Variants in CTNNBL1 observed in about 807,000 individuals in gnomAD.
CTNNBL1 encodes catenin beta like 1, also known as beta-catenin-like protein 1.
A neutral mutation model predicts 72.7 loss-of-function variants in CTNNBL1; 31 were observed. The observed-to-expected ratio is 0.43, with a 90% CI of 0.32 to 0.58. The LOEUF is 0.58. Ranked by LOEUF, CTNNBL1 falls within the 20% of genes least tolerant of loss-of-function variation. The probability of loss-of-function intolerance (pLI) is 0.08; values close to 1 mark genes in which losing one functional copy is unlikely to be tolerated. For synonymous variants in CTNNBL1, 240 were observed against 267.3 expected (o/e 0.90, Z 1.00); for missense variants, 534 against 725.1 (o/e 0.74, Z 3.03).
At chr20:37,820,800 A>G (rs1006611907) in intron 11 of CTNNBL1, among the ~76,000 whole-genome samples, 3 of 152,152 alleles carry the variant, frequency 2.0e-5, no homozygotes, top group African/African-American at 7.2e-5. Context: ...TTCTTTGTAA[A>G]TTGCCCAGTC....
chr20:37,765,458 A>C (rs2073458599), intron 6 of CTNNBL1, among the ~76,000 whole-genome samples, 168 bp downstream of exon 6: 1 of 152,200 alleles, frequency 6.6e-6, no homozygotes, highest in African/African-American at 2.4e-5. Context: ...AATTTCATAT[A>C]ACTTCAGCTT....
chr20:37,841,399 G>T (rs1033598662), intron 12 of CTNNBL1, among the ~76,000 whole-genome samples: 1 of 152,148 alleles, frequency 6.6e-6, no homozygotes, highest in African/African-American at 2.4e-5. Flanking sequence ...TGTCTTCCCT[G>T]CACACCTTGT....
intron 11 of CTNNBL1, among the ~76,000 whole-genome samples, chr20:37,803,833 A>G (rs1283641016): frequency 1.3e-5 from 2 of 151,178 alleles, no homozygotes; most frequent in African/African-American, 2.4e-5. Context: ...TTTTCTCAGA[A>G]GCAATGTTCG....
At chr20:37,767,895 T>G (rs564842472) in intron 6 of CTNNBL1, 58 bp from the exon 7 acceptor site, 1 of 1,384,966 alleles carries the variant, frequency 7.2e-7, no homozygotes, top group African/African-American at 1.4e-5. Context: ...GGAAGCAAGC[T>G]TGTTGCAGAT....
At chr20:37,823,730 A>C (rs2072131888) in intron 11 of CTNNBL1, among the ~76,000 whole-genome samples, 1 of 152,070 alleles carries the variant, frequency 6.6e-6, no homozygotes, top group African/African-American at 2.4e-5. Flanking sequence ...TTGCATTGGG[A>C]CTGTGGTGTT....
At chr20:37,862,483 G>A (rs2072499186) in intron 15 of CTNNBL1, among the ~76,000 whole-genome samples, 1 of 152,178 alleles carries the variant, frequency 6.6e-6, no homozygotes, top group South Asian at 2.1e-4. Context: ...CACCCTAAGT[G>A]ATTCACAATT....
intron 13 of CTNNBL1, 85 bp downstream of exon 13, chr20:37,842,504 A>C: frequency 1.1e-6 from 1 of 886,956 alleles, no homozygotes; most frequent in South Asian, 1.4e-5. Flanking sequence ...CCCACAGGAT[A>C]GGTAAGGGCA....
chr20:37,825,858 T>G lies in CTNNBL1; in HGVS notation c.1214-14244T>G, dbSNP rs142461494. Among the ~76,000 whole-genome samples the G allele has an allele frequency of 2.3e-3, 354 of 152,312 alleles. 4 individuals carry two copies. Among genetic ancestry groups the G allele is most frequent in the African/African-American group, 8.1e-3 (335 of 41,568 alleles). ...TGCTCCCCAGAATTAGCATTTTTCC[T>G]CAGTCCACACTGCTGCCATTGTAGC... is the stretch of plus-strand genomic sequence containing the variant. On this transcript the variant is annotated intron_variant, in intron 11 of 15. Coordinates refer to ENST00000361383, the MANE Select transcript of CTNNBL1 (RefSeq NM_030877.5).
intron 1 of CTNNBL1, among the ~76,000 whole-genome samples, chr20:37,698,921 C>T (rs1197905553): frequency 2.6e-5 from 4 of 152,090 alleles, no homozygotes; most frequent in Non-Finnish European, 5.9e-5. Context: ...TGGTGTGTGT[C>T]TGTGGTCCCA....
rs1426469222 is a variant in CTNNBL1, at chr20:37,871,942, G to A, written c.1621G>A (p.Gly541Arg). 1.1e-5 allele frequency: 17 copies of A among 1,613,986 alleles called. No homozygotes were observed. Among genetic ancestry groups the A allele is most frequent in the East Asian group, 2.2e-5 (1 of 44,874 alleles). ...CCCCCTAGAGTATGCAGAGAACATC[G>A]GGGACGGCCGGAGCCCGGAGTTCCG... ...HIIKEYAENI[G>R]DGRSPEFREN... The change falls in exon 16 of 16, where the codon GGG becomes AGG. Residue 541 changes from glycine to arginine, a missense_variant. Coordinates refer to ENST00000361383, the MANE Select transcript of CTNNBL1 (RefSeq NM_030877.5).
At chr20:37,804,874 C>T (rs1045982524) in intron 11 of CTNNBL1, among the ~76,000 whole-genome samples, 2 of 152,218 alleles carry the variant, frequency 1.3e-5, no homozygotes, top group Non-Finnish European at 2.9e-5. Flanking sequence ...CCGCATTAGG[C>T]ATGTGATAAC....
intron 1 of CTNNBL1, among the ~76,000 whole-genome samples, chr20:37,711,138 C>T (rs1430164689): frequency 6.6e-6 from 1 of 152,206 alleles, no homozygotes; most frequent in East Asian, 1.9e-4. Context: ...TCTGATCCTC[C>T]TGTGAAAGGA....
chr20:37,811,248 CAG>C (rs899410026), intron 11 of CTNNBL1, among the ~76,000 whole-genome samples: 1 of 152,102 alleles, frequency 6.6e-6, no homozygotes, highest in African/African-American at 2.4e-5. Flanking sequence ...AAGCTATAAA[CAG>C]AGGATTCAGA....
At chr20:37,834,906 C>T (rs1013444856) in intron 11 of CTNNBL1, among the ~76,000 whole-genome samples, 6 of 152,174 alleles carry the variant, frequency 3.9e-5, no homozygotes, top group Admixed American at 1.3e-4. Flanking sequence ...ACCCTACTTA[C>T]GTTCAAATAG....
intron 3 of CTNNBL1, among the ~76,000 whole-genome samples, chr20:37,741,256 T>G (rs1258858825): frequency 1.3e-5 from 2 of 152,196 alleles, no homozygotes; most frequent in African/African-American, 2.4e-5. Context: ...TAAAGACAGT[T>G]CTCTGCAAAT....
chr20:37,735,598 G>T (rs918300150), intron 2 of CTNNBL1, among the ~76,000 whole-genome samples: 1 of 152,178 alleles, frequency 6.6e-6, no homozygotes, highest in African/African-American at 2.4e-5. Context: ...ACTGTGTCAG[G>T]GAACCTGTCT....
intron 15 of CTNNBL1, among the ~76,000 whole-genome samples, chr20:37,866,492 G>C (rs922858395): frequency 2.0e-5 from 3 of 152,208 alleles, no homozygotes; most frequent in Non-Finnish European, 2.9e-5. Flanking sequence ...TGTCTCAGAA[G>C]GCTGCTGTGA....
In CTNNBL1 at chr20:37,803,014, C is replaced by G. The variant is rs140985198; in HGVS notation, c.1179C>G (p.Ile393Met). ...TCTTTATGAAATCTCCCAGGAAGAT[C>G]AAGAAAGTGGGAACCACTGAGAAGG... ...FPLFMKSPRK[I>M]KKVGTTEKEH... Residue 393 changes from isoleucine to methionine, a missense_variant, in exon 11 of 16, where the codon ATC (isoleucine) becomes ATG (methionine). By Grantham distance (10) the Ile-to-Met change is conservative. Coordinates refer to ENST00000361383, the MANE Select transcript of CTNNBL1 (RefSeq NM_030877.5). 6.2e-7 allele frequency: 1 copy of G among 1,613,928 alleles called. No homozygotes were observed. The highest frequency in any genetic ancestry group is 1.3e-5 in the African/African-American group (1 of 74,962).
chr20:37,841,439 T>C (rs1037930156), intron 12 of CTNNBL1, among the ~76,000 whole-genome samples: 2 of 152,196 alleles, frequency 1.3e-5, no homozygotes, highest in Non-Finnish European at 2.9e-5. Context: ...AAGGAAATAA[T>C]GGTCATGAAA....
Sources: allele counts gnomAD v4.1 joint callset (sites outside exome capture counted in the v4.1 genomes callset), GRCh38; gene constraint gnomAD v4.1.1; transcripts MANE v1.5; gene names NCBI Gene and HGNC (gene_info 2026-07-23, HGNC 2026-07-21).